The following PPM1D variants were observed in gnomAD, a reference collection of about 807,000 sequenced individuals.
PPM1D encodes protein phosphatase 1D.
Under a neutral mutation model 58.3 loss-of-function variants are expected in PPM1D, and 52 were observed. The observed-to-expected ratio is 0.89, with a 90% CI of 0.71 to 1.12. PPM1D has a LOEUF of 1.12. PPM1D is among the 50% of genes most tolerant of loss of function. PPM1D has a pLI of 0.00. For synonymous variants in PPM1D, 278 were observed against 285.1 expected (o/e 0.98, Z 0.25); for missense variants, 564 against 777.2 (o/e 0.73, Z 3.26).
intron 4 of PPM1D, among the ~76,000 whole-genome samples, chr17:60,649,595 A>G (rs1157205297): frequency 2.0e-5 from 3 of 152,048 alleles, no homozygotes; most frequent in Non-Finnish European, 4.4e-5. Context: ...AGGCTGAGGC[A>G]GGAGAATCTC....
chr17:60,624,793 G>GA (rs1199263431), intron 2 of PPM1D, among the ~76,000 whole-genome samples: 2 of 148,876 alleles, frequency 1.3e-5, no homozygotes, highest in Admixed American at 1.3e-4. Flanking sequence ...TCTCAAAAAA[G>GA]AAAAAAGAAT....
intron 1 of PPM1D, among the ~76,000 whole-genome samples, chr17:60,602,527 C>T (rs904972458): frequency 6.6e-6 from 1 of 151,692 alleles, no homozygotes; most frequent in African/African-American, 2.4e-5. Flanking sequence ...TCAAGCGATC[C>T]TTCCTCCTCG....
chr17:60,661,030 A>G (rs1160543656), intron 5 of PPM1D, among the ~76,000 whole-genome samples: 2 of 151,890 alleles, frequency 1.3e-5, no homozygotes, highest in Admixed American at 6.6e-5. Context: ...CCTGACCAAC[A>G]TGGAGAAACC....
At chr17:60,654,795 G>A (rs2031404394) in intron 4 of PPM1D, among the ~76,000 whole-genome samples, 1 of 151,238 alleles carries the variant, frequency 6.6e-6, no homozygotes, top group Non-Finnish European at 1.5e-5. Context: ...TTGAACCTGG[G>A]AGGCGGAAGT....
At chr17:60,623,084 A>G (rs1466082601) in intron 1 of PPM1D, among the ~76,000 whole-genome samples, 1 of 152,186 alleles carries the variant, frequency 6.6e-6, no homozygotes, top group African/African-American at 2.4e-5. Flanking sequence ...AAAACAACAA[A>G]ACAGAAAAAC....
chr17:60,616,104 CAAGT>C (rs1010547943), intron 1 of PPM1D, among the ~76,000 whole-genome samples: 5 of 151,930 alleles, frequency 3.3e-5, no homozygotes, highest in African/African-American at 1.2e-4. Flanking sequence ...CTCCCAAGCT[CAAGT>C]GATTCTTGAG....
Position 60,645,482 on chromosome 17 carries a change from G to GTGTGTGTGTGTA in PPM1D, c.827-2404_827-2393dup, listed in dbSNP as rs1555647641. 3.1e-3 allele frequency among the ~76,000 whole-genome samples: 429 copies of GTGTGTGTGTGTA among 137,646 alleles called. 7 individuals carry two copies. Among genetic ancestry groups the GTGTGTGTGTGTA allele is most frequent in the African/African-American group, 0.012 (396 of 31,858 alleles). 90.3% of individuals were successfully genotyped at this position (137,646 alleles called of 152,430 possible). ...TGTGTGTGTGTGTGTGTGTGTGTGT[G>GTGTGTGTGTGTA]TGTGTGTGTGTATGTGTATATATAT... On this transcript the variant is annotated intron_variant, in intron 3 of 5. Coordinates refer to ENST00000305921, the MANE Select transcript of PPM1D (RefSeq NM_003620.4).
intron 3 of PPM1D, among the ~76,000 whole-genome samples, chr17:60,647,093 G>A (rs2031263875): frequency 6.6e-6 from 1 of 152,074 alleles, no homozygotes; most frequent in African/African-American, 2.4e-5. Flanking sequence ...TTGGCCCTTT[G>A]CGCTTAGCCT....
chr17:60,640,291 G>GC (rs1295656569), intron 3 of PPM1D, among the ~76,000 whole-genome samples: 2 of 152,166 alleles, frequency 1.3e-5, no homozygotes, highest in Non-Finnish European at 2.9e-5. Context: ...GGGCAACAGA[G>GC]CAAGACCCTG....
At chr17:60,616,052 C>G (rs1416517070) in intron 1 of PPM1D, among the ~76,000 whole-genome samples, 1 of 151,916 alleles carries the variant, frequency 6.6e-6, no homozygotes, top group Non-Finnish European at 1.5e-5. Flanking sequence ...GTCACCCAGG[C>G]TGAAGTGCAA....
In PPM1D at chr17:60,626,392, T is replaced by G. The variant is rs1053034606; in HGVS notation, c.701+2643T>G. Among the ~76,000 whole-genome samples the G allele has an allele frequency of 1.7e-4, 25 of 150,298 alleles. 1 individual carries two copies. Among genetic ancestry groups the G allele is most frequent in the African/African-American group, 2.0e-4 (8 of 40,740 alleles). On this transcript the variant is annotated intron_variant, in intron 2 of 5. Transcript: ENST00000305921. The stretch of plus-strand genomic sequence containing the variant: ...GTCTCAATGATGTGTTTTTTTGGGG[T>G]TTTTTTTGTTTTTTTTTTTTGAAAC...
At chr17:60,607,125 C>A (rs1265790780) in intron 1 of PPM1D, among the ~76,000 whole-genome samples, 1 of 151,956 alleles carries the variant, frequency 6.6e-6, no homozygotes, top group East Asian at 1.9e-4. Context: ...CCACCACATC[C>A]AGGCCTGAAT....
chr17:60,641,799 A>G (rs569269841), intron 3 of PPM1D, among the ~76,000 whole-genome samples: 1 of 152,350 alleles, frequency 6.6e-6, no homozygotes, highest in Non-Finnish European at 1.5e-5. Context: ...GAAGTTCTCC[A>G]TGGGAAGCCA....
At chr17:60,648,289 C>T (rs527591318) in intron 4 of PPM1D, among the ~76,000 whole-genome samples, 50 of 152,124 alleles carry the variant, frequency 3.3e-4, no homozygotes, top group Non-Finnish European at 6.2e-4. Context: ...AATAACAAAA[C>T]ACACAACCAC....
chr17:60,631,944 C>A (rs528462453), intron 2 of PPM1D, among the ~76,000 whole-genome samples: 2 of 151,388 alleles, frequency 1.3e-5, no homozygotes. Context: ...TTTGGGAGGC[C>A]GAGGTGGGTG....
intron 1 of PPM1D, among the ~76,000 whole-genome samples, chr17:60,605,857 A>G (rs1210078355): frequency 6.6e-6 from 1 of 152,222 alleles, no homozygotes; most frequent in East Asian, 1.9e-4. Flanking sequence ...GTGAGCTGAG[A>G]TCACGCCATT....
At chr17:60,617,362 A>T (rs1209577014) in intron 1 of PPM1D, among the ~76,000 whole-genome samples, 2 of 151,474 alleles carry the variant, frequency 1.3e-5, no homozygotes, top group Non-Finnish European at 2.9e-5. Flanking sequence ...TTGTTTTTTA[A>T]TTTACTTCAG....
chr17:60,619,528 A>C (rs984739292), intron 1 of PPM1D, among the ~76,000 whole-genome samples: 9 of 152,170 alleles, frequency 5.9e-5, no homozygotes, highest in Non-Finnish European at 2.9e-5. Context: ...TCCCTTCTTC[A>C]CATCCTGGCC....
chr17:60,653,949 G>A (rs1035600228), intron 4 of PPM1D, among the ~76,000 whole-genome samples: 2 of 152,040 alleles, frequency 1.3e-5, no homozygotes, highest in Non-Finnish European at 2.9e-5. Context: ...GTTTTTGTAG[G>A]TATGAGATCA....
Sources: gnomAD v4.1 joint callset for allele counts (sites outside exome capture counted in the v4.1 genomes callset) on GRCh38, gnomAD v4.1.1 for gene constraint, MANE v1.5 for transcripts, NCBI Gene and HGNC (gene_info 2026-07-23, HGNC 2026-07-21) for gene names.